Variants in PIBF1 observed in about 807,000 individuals in gnomAD.
PIBF1 encodes the protein progesterone-induced-blocking factor 1.
In PIBF1, 90 loss-of-function variants were observed where a neutral mutation model predicts 112.5. The ratio of observed to expected loss-of-function variants is 0.80; its 90% CI spans 0.67 to 0.95. The LOEUF is 0.95. Ranked by LOEUF, PIBF1 falls within the 40% of genes least tolerant of loss-of-function variation. The pLI is 0.00. For synonymous variants in PIBF1, 301 were observed against 288.6 expected, an observed-to-expected ratio of 1.04 and a Z score of -0.44; for missense variants, 915 against 852.3, an observed-to-expected ratio of 1.07 and a Z score of -0.92.
intron 16 of PIBF1, among the ~76,000 whole-genome samples, chr13:72,990,877 C>T (rs562763816): frequency 2.0e-4 from 31 of 152,224 alleles, no homozygotes; most frequent in South Asian, 4.1e-4. Context: ...TTTTAAATAT[C>T]CAAAATATAT....
chr13:72,834,615 T>G (rs1182119564), intron 8 of PIBF1, among the ~76,000 whole-genome samples: 3 of 152,010 alleles, frequency 2.0e-5, no homozygotes, highest in African/African-American at 7.3e-5. Flanking sequence ...CAAGGCATTA[T>G]CTCTTTAAGA....
chr13:72,948,093 G>T (rs770295961), intron 14 of PIBF1, among the ~76,000 whole-genome samples: 3 of 152,116 alleles, frequency 2.0e-5, no homozygotes, highest in Non-Finnish European at 4.4e-5. Flanking sequence ...TGGGGAGCTA[G>T]GGGAGGTATA....
At chr13:72,990,762 C>T (rs780516304) in intron 16 of PIBF1, among the ~76,000 whole-genome samples, 5 of 151,654 alleles carry the variant, frequency 3.3e-5, no homozygotes, top group Non-Finnish European at 5.9e-5. Context: ...GTAGGAGAAT[C>T]GTTTGAACCC....
At chr13:72,911,695 G>T (rs1594179350) in intron 12 of PIBF1, among the ~76,000 whole-genome samples, 1 of 152,046 alleles carries the variant, frequency 6.6e-6, no homozygotes, top group East Asian at 1.9e-4. Flanking sequence ...CAGACTCAAA[G>T]AAAATAACCA....
Position 72,998,951 on chromosome 13 carries a change from A to G in PIBF1, c.2179A>G (p.Lys727Glu). 6.2e-7 allele frequency: 1 copy of G among 1,611,280 alleles called. No individual in the cohort carries two copies. Among genetic ancestry groups the G allele is most frequent in the Non-Finnish European group, 8.5e-7 (1 of 1,178,082 alleles). Reference protein sequence around the residue: ...NQKSKTLNVPKEHEDNIFTPK... With the variant: ...NQKSKTLNVPEEHEDNIFTPK... ...GAAATCAAAGACTTTGAATGTGCCT[A>G]AAGAGCATGAAGACAATATATTTAC... is the stretch of plus-strand genomic sequence containing the variant. The change falls in exon 17 of 18, where the codon AAA becomes GAA. Residue 727 changes from lysine (K) to glutamate (E), a missense_variant. Lys to Glu is a moderately conservative substitution (Grantham distance 56). Coordinates refer to ENST00000326291, the MANE Select transcript of PIBF1 (RefSeq NM_006346.4).
intron 14 of PIBF1, among the ~76,000 whole-genome samples, chr13:72,959,594 A>AG: frequency 6.6e-6 from 1 of 152,204 alleles, no homozygotes; most frequent in Non-Finnish European, 1.5e-5. Context: ...AAACTCCCCA[A>AG]GGAAAAAAAC....
chr13:72,805,199 G>A (rs2035667186), intron 5 of PIBF1, among the ~76,000 whole-genome samples: 2 of 152,176 alleles, frequency 1.3e-5, no homozygotes, highest in South Asian at 2.1e-4. Flanking sequence ...CTGGCATGCA[G>A]TGGCACGATC....
At chr13:73,002,042 A>C (rs2043885948) in intron 17 of PIBF1, among the ~76,000 whole-genome samples, 1 of 152,142 alleles carries the variant, frequency 6.6e-6, no homozygotes, top group South Asian at 2.1e-4. Context: ...CTTTGAAATG[A>C]CATATGTGAC....
In PIBF1 at chr13:72,987,867, T is replaced by A. The variant is rs1307293326; in HGVS notation, c.2050-10955T>A. 3.1e-3 allele frequency among the ~76,000 whole-genome samples: 330 copies of A among 105,708 alleles called. 1 individual carries two copies. Among genetic ancestry groups the A allele is most frequent in the African/African-American group, 6.7e-3 (190 of 28,260 alleles). The allele number at this position is 105,708 out of a possible 152,430, so 69.3% of individuals were successfully genotyped here. On this transcript the variant is annotated intron_variant, in intron 16 of 17. Coordinates refer to ENST00000326291, the MANE Select transcript of PIBF1 (RefSeq NM_006346.4). ...ATTTATTTATTTATTTATTTTTTTT[T>A]TTTTTTTTTTTTTTGAGGCAGAGTC... is the stretch of plus-strand genomic sequence containing the variant.
intron 5 of PIBF1, among the ~76,000 whole-genome samples, chr13:72,821,556 A>G (rs143054783): frequency 2.6e-4 from 39 of 152,302 alleles, no homozygotes; most frequent in African/African-American, 9.1e-4. Flanking sequence ...TTAAAAAGTC[A>G]TTTAACATTT....
chr13:72,922,121 C>T (rs941091538), intron 13 of PIBF1, among the ~76,000 whole-genome samples: 37 of 152,010 alleles, frequency 2.4e-4, no homozygotes, highest in African/African-American at 8.0e-4. Flanking sequence ...TAGGCATGCA[C>T]GCTGTACCTG....
At chr13:72,837,276 T>G (rs1156603291) in intron 9 of PIBF1, among the ~76,000 whole-genome samples, 3 of 152,086 alleles carry the variant, frequency 2.0e-5, no homozygotes, top group Admixed American at 6.5e-5. Flanking sequence ...TGCATTTGTT[T>G]ACACTTAGTT....
At chr13:72,863,797 A>T (rs2038808956) in intron 10 of PIBF1, among the ~76,000 whole-genome samples, 1 of 152,210 alleles carries the variant, frequency 6.6e-6, no homozygotes, top group Non-Finnish European at 1.5e-5. Flanking sequence ...CTCTGTAATG[A>T]CACTATGTAC....
chr13:72,884,060 T>C (rs993365867), intron 10 of PIBF1, among the ~76,000 whole-genome samples: 1 of 152,178 alleles, frequency 6.6e-6, no homozygotes. Context: ...TATTACACAT[T>C]GTATGCCTGT....
intron 17 of PIBF1, 67 bp from the exon 18 acceptor site, chr13:73,015,802 T>C: frequency 2.2e-6 from 2 of 909,208 alleles, no homozygotes; most frequent in South Asian, 1.7e-5. Flanking sequence ...TATATAGTTC[T>C]CTGAGTTGCC....
At chr13:72,904,429 A>ATTTTTTTTTTTTTTTTTTTT (rs1240090172) in intron 11 of PIBF1, among the ~76,000 whole-genome samples, 4 of 51,092 alleles carry the variant, frequency 7.8e-5, no homozygotes, top group African/African-American at 1.7e-4. Flanking sequence ...ATATCAAAAT[A>ATTTTTTTTTTTTTTTTTTTT]TTTCTTTTTT....
At chr13:72,787,667 T>C (rs1709768207) in intron 2 of PIBF1, among the ~76,000 whole-genome samples, 1 of 152,122 alleles carries the variant, frequency 6.6e-6, no homozygotes, top group African/African-American at 2.4e-5. Context: ...TTTTTTCTTT[T>C]AATTTTTTTG....
intron 14 of PIBF1, among the ~76,000 whole-genome samples, chr13:72,962,855 G>C (rs1010955662): frequency 1.3e-5 from 2 of 152,180 alleles, no homozygotes; most frequent in Admixed American, 6.5e-5. Context: ...CAAAGTTGTA[G>C]GGCTCAGATT....
chr13:72,814,072 T>G (rs959808193), intron 5 of PIBF1, among the ~76,000 whole-genome samples: 17 of 152,046 alleles, frequency 1.1e-4, no homozygotes, highest in Non-Finnish European at 2.2e-4. Context: ...AAAGAAAGAC[T>G]CTTATTATGA....
Sources: gnomAD v4.1 joint callset for allele counts (sites outside exome capture counted in the v4.1 genomes callset) on GRCh38, gnomAD v4.1.1 for gene constraint, MANE v1.5 for transcripts, NCBI Gene and HGNC (gene_info 2026-07-23, HGNC 2026-07-21) for gene names.